Variants in PALS1 observed in about 807,000 individuals in gnomAD.
PALS1 encodes the protein protein associated with LIN7 1, MAGUK p55 family member.
A neutral mutation model predicts 78.9 loss-of-function variants in PALS1; 31 were observed. The ratio of observed to expected loss-of-function variants is 0.39; its 90% CI spans 0.30 to 0.53. PALS1 has a LOEUF of 0.53. Ranked by LOEUF, PALS1 falls within the 20% of genes least tolerant of loss-of-function variation. The probability of loss-of-function intolerance (pLI) is 0.67; values close to 1 mark genes in which losing one functional copy is unlikely to be tolerated. For missense variants in PALS1, 704 were observed against 826.5 expected, an observed-to-expected ratio of 0.85 and a Z score of 1.82; for synonymous variants, 276 against 270.9, an observed-to-expected ratio of 1.02 and a Z score of -0.18.
chr14:67,288,290 CAGACTGGTCTTGA>C (rs1198324074), intron 3 of PALS1, among the ~76,000 whole-genome samples: 1 of 152,128 alleles, frequency 6.6e-6, no homozygotes, highest in East Asian at 1.9e-4. Flanking sequence ...CCATGTTGGC[CAGACTGGTCTTGA>C]ACTCCTGACC....
At chr14:67,271,860 C>G (rs1487561272) in intron 2 of PALS1, 1 of 152,152 alleles carries the variant, frequency 6.6e-6, no homozygotes, top group Non-Finnish European at 1.5e-5. Flanking sequence ...ATCACGAGGT[C>G]AGGAGTTTGA....
chr14:67,292,519 G>C lies in PALS1; in HGVS notation c.376G>C (p.Asp126His). 9 of 1,606,784 alleles carry C rather than the reference G, an allele frequency of 5.6e-6. No homozygotes were observed. Among genetic ancestry groups the C allele is most frequent in the Non-Finnish European group, 7.7e-6 (9 of 1,174,118 alleles). Residue 126 changes from aspartate (D) to histidine (H), a missense_variant, in exon 4 of 15, where the codon GAC (aspartate) becomes CAC (histidine). Physicochemically the swap from Asp to His is moderately conservative, Grantham distance 81. Transcript: ENST00000261681. Reference sequence around the variant, plus strand: ...TTTTCTTCTTCTACTAGAAATAGAAGACTTGTTTTCTTCACTTAAACATAT... The same window carrying C: ...TTTTCTTCTTCTACTAGAAATAGAACACTTGTTTTCTTCACTTAAACATAT... ...HYAVKILEIE[D>H]LFSSLKHIQH...
Position 67,273,365 on chromosome 14 carries a change from A to G in PALS1, c.-154+3582A>G, listed in dbSNP as rs540182398. Among the ~76,000 whole-genome samples the G allele has an allele frequency of 4.1e-4, 62 of 151,886 alleles. 1 individual carries two copies. Among genetic ancestry groups the G allele is most frequent in the African/African-American group, 1.5e-3 (61 of 41,432 alleles). On this transcript the variant is annotated intron_variant, in intron 2 of 14. Transcript: ENST00000261681. ...TCAATTCCCACCTATGAGTGAGAAC[A>G]TGCAGTGTTTGGTTTTCTGTCCTTG... is the stretch of plus-strand genomic sequence containing the variant.
chr14:67,274,292 T>C (rs1257725844), intron 2 of PALS1, among the ~76,000 whole-genome samples: 2 of 152,304 alleles, frequency 1.3e-5, no homozygotes, highest in Admixed American at 6.5e-5. Flanking sequence ...CTTGAATTAA[T>C]TTTTGTATAA....
chr14:67,258,329 G>A (rs2084178558), intron 1 of PALS1, among the ~76,000 whole-genome samples: 1 of 152,156 alleles, frequency 6.6e-6, no homozygotes, highest in Admixed American at 6.5e-5. Flanking sequence ...GAGCTCAGGA[G>A]TTCGAGACTA....
intron 3 of PALS1, among the ~76,000 whole-genome samples, chr14:67,287,481 A>G (rs997616563): frequency 2.6e-5 from 4 of 152,216 alleles, no homozygotes; most frequent in African/African-American, 9.6e-5. Context: ...TGAAAGAAGA[A>G]ATTCAAATGG....
rs1469478160 is a variant in PALS1 at position 67,279,487 on chromosome 14, C to T, written c.317C>T (p.Thr106Ile). Residue 106 changes from threonine (T) to isoleucine (I), a missense_variant, in exon 3 of 15, where the codon ACA (threonine) becomes ATA (isoleucine). Transcript: ENST00000261681. ...KTGIDNPMFD[T>I]EEGIVLESPH... is the part of the protein sequence containing the mutation. The stretch of plus-strand genomic sequence containing the variant: ...GGAATAGATAACCCTATGTTTGATA[C>T]AGAGGAAGGAATTGTCTTAGAAAGT... The T allele has an allele frequency of 6.3e-7, 1 of 1,586,152 alleles. No individual in the cohort carries two copies. Among genetic ancestry groups the T allele is most frequent in the Non-Finnish European group, 8.6e-7 (1 of 1,168,284 alleles).
intron 14 of PALS1, 108 bp downstream of exon 14, chr14:67,323,920 G>C: frequency 1.6e-6 from 1 of 621,716 alleles, no homozygotes; most frequent in Admixed American, 3.6e-5. Context: ...CTTTCAAACT[G>C]ATTATTTTTT....
chr14:67,317,019 G>C, intron 10 of PALS1, 116 bp downstream of exon 10: 1 of 724,780 alleles, frequency 1.4e-6, no homozygotes, highest in Admixed American at 2.9e-5. Context: ...TGATACAAGA[G>C]GCAAAACTGA....
Position 67,299,626 on chromosome 14 carries a change from A to G in PALS1, c.577-1763A>G, listed in dbSNP as rs147994172. ...TGGAAAGGAGCAGTAGAATAAAAGAATAGCCTTTTAATTCCTTAACACCGT... is the reference window on the plus strand; with the variant it reads ...TGGAAAGGAGCAGTAGAATAAAAGAGTAGCCTTTTAATTCCTTAACACCGT... On this transcript the variant is annotated intron_variant, in intron 4 of 14. Transcript: ENST00000261681. Among the ~76,000 whole-genome samples the G allele has an allele frequency of 4.4e-3, 669 of 152,332 alleles. 6 individuals are homozygous for G. Among genetic ancestry groups the G allele is most frequent in the Middle Eastern group, 0.031 (9 of 294 alleles).
At chr14:67,305,570 A>G (rs1207738081) in intron 8 of PALS1, among the ~76,000 whole-genome samples, 3 of 152,104 alleles carry the variant, frequency 2.0e-5, no homozygotes, top group Non-Finnish European at 4.4e-5. Context: ...CGTGAGCCAC[A>G]ATGCCCAGCC....
At position 67,279,377 on chromosome 14, in the gene PALS1, G is replaced by C; in HGVS notation, c.207G>C (p.Arg69Ser). 6.2e-7 allele frequency: 1 copy of C among 1,613,916 alleles called. No individual in the cohort carries two copies. The highest frequency in any genetic ancestry group is 1.1e-5 in the South Asian group (1 of 91,048). The change falls in exon 3 of 15, where the codon AGG becomes AGC. Residue 69 changes from arginine to serine, a missense_variant. Transcript: ENST00000261681. ...AACAACAGGAGGACATGAGGCGTAGGAGAGAGGAAGAAGGGAAAAAGCAAG... is the reference window on the plus strand; with the variant it reads ...AACAACAGGAGGACATGAGGCGTAGCAGAGAGGAAGAAGGGAAAAAGCAAG... ...IRQQQEDMRR[R>S]REEEGKKQEL...
intron 1 of PALS1, among the ~76,000 whole-genome samples, chr14:67,269,449 T>A (rs900743520): frequency 3.9e-5 from 6 of 152,264 alleles, no homozygotes; most frequent in South Asian, 4.2e-4. Context: ...CCAGACTGTT[T>A]CCAATGTGTT....
chr14:67,332,206 T>G (rs2236333), intron 14 of PALS1, among the ~76,000 whole-genome samples: 23,624 of 152,174 alleles, frequency 0.16, 3,470 homozygotes, highest in East Asian at 0.42. Context: ...GTTTTGCACA[T>G]AGCCTTGCTG....
chr14:67,312,065 CAG>C (rs1002930924), intron 8 of PALS1: 1 of 152,678 alleles, frequency 6.5e-6, no homozygotes, highest in African/African-American at 2.4e-5. Context: ...TACCTTATTG[CAG>C]AGTCATTGTT....
At chr14:67,296,409 G>A (rs1195684259) in intron 4 of PALS1, among the ~76,000 whole-genome samples, 1 of 151,886 alleles carries the variant, frequency 6.6e-6, no homozygotes, top group African/African-American at 2.4e-5. Flanking sequence ...GACCATCCTG[G>A]CTAACATGGT....
intron 1 of PALS1, among the ~76,000 whole-genome samples, chr14:67,263,230 T>A (rs539705429): frequency 6.6e-6 from 1 of 152,288 alleles, no homozygotes; most frequent in South Asian, 2.1e-4. Flanking sequence ...GGGACCCTAA[T>A]TTGTCTAATT....
At chr14:67,313,591 C>T (rs947715533) in intron 9 of PALS1, among the ~76,000 whole-genome samples, 4 of 151,876 alleles carry the variant, frequency 2.6e-5, no homozygotes, top group Admixed American at 6.6e-5. Context: ...AATAAGCTAT[C>T]GGAGAAGGCA....
chr14:67,320,516 G>T, intron 12 of PALS1, 119 bp downstream of exon 12: 1 of 942,936 alleles, frequency 1.1e-6, no homozygotes, highest in Non-Finnish European at 1.5e-6. Context: ...CAGTGAAAGA[G>T]GAACTTTAAC....
Sources: allele counts gnomAD v4.1 joint callset (sites outside exome capture counted in the v4.1 genomes callset), GRCh38; gene constraint gnomAD v4.1.1; transcripts MANE v1.5; gene names NCBI Gene and HGNC (gene_info 2026-07-23, HGNC 2026-07-21).